Variants in LRP1B observed in about 807,000 individuals in gnomAD.
LRP1B encodes the protein low-density lipoprotein receptor-related protein 1B.
LRP1B carries 217 observed loss-of-function variants against 556.6 expected under a neutral mutation model. The ratio of observed to expected loss-of-function variants is 0.39; its 90% CI spans 0.35 to 0.44. The LOEUF (loss-of-function observed/expected upper bound fraction) is 0.44, where lower values mean the gene tolerates loss of function less well. LRP1B is among the 20% of genes least tolerant of loss of function. The probability of loss-of-function intolerance (pLI) is 1.00; values close to 1 mark genes in which losing one functional copy is unlikely to be tolerated. For missense variants in LRP1B, 5,053 were observed against 5,620.8 expected, an observed-to-expected ratio of 0.90 and a Z score of 3.23; for synonymous variants, 2,047 against 1,865.8, an observed-to-expected ratio of 1.10 and a Z score of -2.50.
At chr2:140,281,951 A>G (rs1682931881) in intron 84 of LRP1B, among the ~76,000 whole-genome samples, 1 of 151,734 alleles carries the variant, frequency 6.6e-6, no homozygotes, top group Non-Finnish European at 1.5e-5. Flanking sequence ...ATATAATTTT[A>G]TAAACTTTTG....
At position 142,031,361 on chromosome 2, in the gene LRP1B, G is replaced by C. The variant is rs1460468594; in HGVS notation, c.82+99287C>G. Among the ~76,000 whole-genome samples the C allele has an allele frequency of 2.8e-4, 20 of 71,808 alleles. 1 individual carries two copies. The highest frequency in any genetic ancestry group is 3.9e-4 in the Non-Finnish European group (13 of 32,924). The allele number at this position is 71,808 out of a possible 152,430, so 47.1% of individuals were successfully genotyped here. On this transcript the variant is annotated intron_variant, in intron 1 of 90. Transcript: ENST00000389484. ...TTTTTTTTTTTTTATTATACTCTAA[G>C]TTTTAGGGTACATGTGCACATTGTG...
intron 86 of LRP1B, among the ~76,000 whole-genome samples, chr2:140,265,275 A>T (rs997300266): frequency 7.5e-5 from 10 of 134,220 alleles, no homozygotes; most frequent in African/African-American, 3.0e-5. Flanking sequence ...AAAATAACAC[A>T]TTAGATTTTT....
At chr2:141,465,073 T>G (rs1459343623) in intron 3 of LRP1B, among the ~76,000 whole-genome samples, 1 of 152,156 alleles carries the variant, frequency 6.6e-6, no homozygotes, top group Admixed American at 6.5e-5. Flanking sequence ...ACTTATTTAA[T>G]GTAGCTTGGC....
intron 77 of LRP1B, among the ~76,000 whole-genome samples, chr2:140,340,462 G>T (rs1387278427): frequency 6.6e-6 from 1 of 151,448 alleles, no homozygotes; most frequent in Non-Finnish European, 1.5e-5. Context: ...TGAATAATTT[G>T]TTGGTGCTTG....
At chr2:142,013,272 C>T (rs1489970662) in intron 1 of LRP1B, among the ~76,000 whole-genome samples, 1 of 151,784 alleles carries the variant, frequency 6.6e-6, no homozygotes, top group Non-Finnish European at 1.5e-5. Context: ...TGTGGAGGCT[C>T]TTAAAGGAAG....
chr2:140,396,268 T>C (rs1055060838), intron 66 of LRP1B, among the ~76,000 whole-genome samples: 1 of 152,212 alleles, frequency 6.6e-6, no homozygotes. Flanking sequence ...TTTCCTACTA[T>C]TTATTCTATG....
chr2:141,589,577 A>T (rs1420126288), intron 2 of LRP1B, among the ~76,000 whole-genome samples: 1 of 152,212 alleles, frequency 6.6e-6, no homozygotes, highest in East Asian at 1.9e-4. Context: ...TGGTAACCAA[A>T]TAACACACTT....
intron 83 of LRP1B, among the ~76,000 whole-genome samples, chr2:140,299,265 T>C (rs1318497161): frequency 6.6e-6 from 1 of 152,110 alleles, no homozygotes. Context: ...ATAAAATTCA[T>C]ATACATTTTT....
intron 21 of LRP1B, among the ~76,000 whole-genome samples, chr2:140,911,286 T>C (rs1348753780): frequency 6.6e-6 from 1 of 151,830 alleles, no homozygotes; most frequent in African/African-American, 2.4e-5. Context: ...TTGAATTCTT[T>C]CTGGAGGGAT....
chr2:140,951,739 T>A, intron 19 of LRP1B, 121 bp downstream of exon 19: 1 of 692,520 alleles, frequency 1.4e-6, no homozygotes, highest in African/African-American at 1.8e-5. Context: ...ACCACTTGTT[T>A]TAGCCGTTTT....
At chr2:141,187,569 G>A (rs1233035774) in intron 7 of LRP1B, among the ~76,000 whole-genome samples, 2 of 152,058 alleles carry the variant, frequency 1.3e-5, no homozygotes, top group Admixed American at 1.3e-4. Flanking sequence ...GGTACACTAT[G>A]TGGTTAATTT....
At chr2:141,367,471 CTTTTTTTT>C (rs1169568111) in intron 3 of LRP1B, among the ~76,000 whole-genome samples, 10 of 44,922 alleles carry the variant, frequency 2.2e-4, no homozygotes, top group African/African-American at 5.7e-4. Flanking sequence ...ATTTGAAATG[CTTTTTTTT>C]TTTTTTTTTT....
chr2:142,129,866 C>G (rs565497361), intron 1 of LRP1B, among the ~76,000 whole-genome samples: 1 of 152,002 alleles, frequency 6.6e-6, no homozygotes, highest in African/African-American at 2.4e-5. Flanking sequence ...TTATAGAATC[C>G]CGGCTTTTTC....
intron 1 of LRP1B, among the ~76,000 whole-genome samples, chr2:142,026,706 C>T (rs1703518249): frequency 2.0e-5 from 3 of 151,946 alleles, no homozygotes; most frequent in Admixed American, 6.6e-5. Flanking sequence ...GGGGGAACTT[C>T]GCTATCTATG....
intron 35 of LRP1B, among the ~76,000 whole-genome samples, chr2:140,733,939 G>T (rs1456295360): frequency 6.6e-6 from 1 of 152,090 alleles, no homozygotes; most frequent in African/African-American, 2.4e-5. Flanking sequence ...AGATTGTCTG[G>T]CATCATCTTA....
At chr2:141,059,610 T>C (rs568730221) in intron 8 of LRP1B, among the ~76,000 whole-genome samples, 6 of 151,956 alleles carry the variant, frequency 3.9e-5, no homozygotes, top group Admixed American at 6.6e-5. Context: ...TTTGCAATCA[T>C]TGTAAATAAA....
At chr2:141,366,833 T>C (rs1017246212) in intron 3 of LRP1B, among the ~76,000 whole-genome samples, 2 of 152,076 alleles carry the variant, frequency 1.3e-5, no homozygotes, top group African/African-American at 4.8e-5. Flanking sequence ...AAACGCTGGG[T>C]CACTTTTCTC....
At chr2:141,478,664 C>T (rs62166339) in intron 3 of LRP1B, among the ~76,000 whole-genome samples, 2,947 of 152,122 alleles carry the variant, frequency 0.019, 59 homozygotes, top group East Asian at 0.093. Flanking sequence ...CTGCCTCAGC[C>T]TCCCAAGTAG....
intron 1 of LRP1B, among the ~76,000 whole-genome samples, chr2:142,051,912 A>G (rs1197005252): frequency 6.6e-6 from 1 of 152,182 alleles, no homozygotes; most frequent in African/African-American, 2.4e-5. Flanking sequence ...CAACCATAAT[A>G]GAACTGTGAA....
Sources: allele counts gnomAD v4.1 joint callset (sites outside exome capture counted in the v4.1 genomes callset), GRCh38; gene constraint gnomAD v4.1.1; transcripts MANE v1.5; gene names NCBI Gene and HGNC (gene_info 2026-07-23, HGNC 2026-07-21).